RABGAP1L: variants seen among roughly 807,000 people sequenced by gnomAD.
The protein encoded by RABGAP1L is rab GTPase-activating protein 1-like.
In RABGAP1L, 63 loss-of-function variants were observed where a neutral mutation model predicts 137.7. The observed-to-expected ratio is 0.46, with a 90% CI of 0.37 to 0.56. The LOEUF (loss-of-function observed/expected upper bound fraction) is 0.56. Ranked by LOEUF, RABGAP1L falls within the 20% of genes least tolerant of loss-of-function variation. The probability of loss-of-function intolerance (pLI) is 0.00; values close to 1 mark genes in which losing one functional copy is unlikely to be tolerated. For missense variants in RABGAP1L, 1,095 were observed against 1,244.0 expected (o/e 0.88, Z 1.80); for synonymous variants, 431 against 433.7 (o/e 0.99, Z 0.08).
At chr1:174,317,583 C>T (rs1679498751) in intron 11 of RABGAP1L, among the ~76,000 whole-genome samples, 1 of 152,224 alleles carries the variant, frequency 6.6e-6, no homozygotes, top group Middle Eastern at 3.4e-3. Context: ...TCTTTTGGAG[C>T]TGTGAGCTAT....
intron 19 of RABGAP1L, chr1:174,922,040 AATTTCCATTTTAT>A (rs1468158106): frequency 6.6e-6 from 1 of 152,108 alleles, no homozygotes; most frequent in African/African-American, 2.4e-5. Context: ...TTTTAAGTAT[AATTTCCATTTTAT>A]TTTTCTCCAG....
chr1:174,477,346 G>A lies in RABGAP1L; in HGVS notation c.1710+83201G>A, dbSNP rs192006242. Among the ~76,000 whole-genome samples, 643 of 152,200 alleles carry A rather than the reference G, an allele frequency of 4.2e-3. 4 individuals are homozygous for A. The highest frequency in any genetic ancestry group is 0.011 in the South Asian group (55 of 4,830). On this transcript the variant is annotated intron_variant, in intron 13 of 25. Transcript: ENST00000681986. The stretch of plus-strand genomic sequence containing the variant: ...AGCATCTTGGAGTTGTTCTCTTCTT[G>A]GTTGTGGCTACTGTTATGATGTTCA...
At chr1:174,639,648 A>G (rs1674361230) in intron 14 of RABGAP1L, among the ~76,000 whole-genome samples, 1 of 152,082 alleles carries the variant, frequency 6.6e-6, no homozygotes, top group African/African-American at 2.4e-5. Flanking sequence ...ACTAAAACAG[A>G]TGGTTCTAAT....
chr1:174,731,838 C>G (rs1418223379), intron 17 of RABGAP1L, among the ~76,000 whole-genome samples: 1 of 152,194 alleles, frequency 6.6e-6, no homozygotes, highest in African/African-American at 2.4e-5. Context: ...TGTCTCTGTA[C>G]ACTTATTCAA....
At chr1:174,953,560 G>GAT (rs1289560590) in intron 19 of RABGAP1L, among the ~76,000 whole-genome samples, 1 of 152,180 alleles carries the variant, frequency 6.6e-6, no homozygotes, top group Non-Finnish European at 1.5e-5. Context: ...GGGTATTGAT[G>GAT]ATAAGTAGAG....
rs148581528 is a variant in RABGAP1L at position 174,196,426 on chromosome 1, G to C, written c.-33-22699G>C. On this transcript the variant is annotated intron_variant, in intron 1 of 25. Coordinates refer to ENST00000681986, the MANE Select transcript of RABGAP1L (RefSeq NM_001366446.1). ...TTTTTGGTAGAGACGGGGTTTCGCT[G>C]TGTTAGCCAGGATAGTCTCGATCTC... is the stretch of plus-strand genomic sequence containing the variant. Among the ~76,000 whole-genome samples the C allele has an allele frequency of 2.8e-4, 43 of 151,866 alleles. No homozygotes were observed. The South Asian group carries it at 8.9e-3, about 31-fold the overall frequency.
intron 17 of RABGAP1L, among the ~76,000 whole-genome samples, chr1:174,709,662 C>A (rs1680325870): frequency 6.6e-6 from 1 of 152,180 alleles, no homozygotes; most frequent in Non-Finnish European, 1.5e-5. Flanking sequence ...ATGCAAAAAT[C>A]CCATCTGAAG....
intron 18 of RABGAP1L, among the ~76,000 whole-genome samples, chr1:174,770,327 T>C (rs1686016875): frequency 6.6e-6 from 1 of 152,214 alleles, no homozygotes; most frequent in South Asian, 2.1e-4. Flanking sequence ...ATTAGGATAC[T>C]CAAGGAATTT....
chr1:174,749,091 G>A (rs564658601), intron 17 of RABGAP1L, among the ~76,000 whole-genome samples: 10 of 151,396 alleles, frequency 6.6e-5, no homozygotes, highest in South Asian at 4.2e-4. Context: ...CACAAGAATC[G>A]CCTGAACCCA....
intron 20 of RABGAP1L, among the ~76,000 whole-genome samples, chr1:174,965,472 T>C (rs891617320): frequency 8.5e-5 from 13 of 152,184 alleles, no homozygotes; most frequent in Non-Finnish European, 1.9e-4. Context: ...TCTTCTCCAT[T>C]CTAGTATACA....
At position 174,695,691 on chromosome 1, in the gene RABGAP1L, A is replaced by C. The variant is rs577949497; in HGVS notation, c.1900-3834A>C. 2.6e-5 allele frequency among the ~76,000 whole-genome samples: 4 copies of C among 152,278 alleles called. No individual in the cohort carries two copies. The East Asian group carries it at 7.7e-4, about 29-fold the overall frequency. On this transcript the variant is annotated intron_variant, in intron 15 of 25. Transcript: ENST00000681986. ...ATGTTTATTGATATCTGGGCATTGA[A>C]AAGTTAAGTATTTATTCCAGTCTTC...
At chr1:174,736,132 G>A (rs189284593) in intron 17 of RABGAP1L, among the ~76,000 whole-genome samples, 1 of 152,234 alleles carries the variant, frequency 6.6e-6, no homozygotes, top group Admixed American at 6.5e-5. Flanking sequence ...AAAGTCCCAA[G>A]TCCAAAGCCT....
At position 174,550,921 on chromosome 1, in the gene RABGAP1L, C is replaced by CATAT. The variant is rs1386199205; in HGVS notation, c.1711-86446_1711-86443dup. Reference sequence around the variant, plus strand: ...ACACACACACATATACACACACACACATATATATATACACATATATATACA... The same window carrying CATAT: ...ACACACACACATATACACACACACACATATATATATATATACACATATATATACA... On this transcript the variant is annotated intron_variant, in intron 13 of 25. Coordinates refer to ENST00000681986, the MANE Select transcript of RABGAP1L (RefSeq NM_001366446.1). Among the ~76,000 whole-genome samples, 209 of 90,906 alleles carry CATAT rather than the reference C, an allele frequency of 2.3e-3. 13 individuals are homozygous for CATAT. Among genetic ancestry groups the CATAT allele is most frequent in the African/African-American group, 0.011 (177 of 15,404 alleles). 59.6% of individuals were successfully genotyped at this position (90,906 alleles called of 152,430 possible).
chr1:174,404,705 A>G lies in RABGAP1L; in HGVS notation c.1710+10560A>G, dbSNP rs986291172. On this transcript the variant is annotated intron_variant, in intron 13 of 25. Coordinates refer to ENST00000681986, the MANE Select transcript of RABGAP1L (RefSeq NM_001366446.1). ...TTAATTTTTTAAATTAATTAACTGA[A>G]AAAATATCGATTGACTAAAGTAAAA... Among the ~76,000 whole-genome samples, 4 of 152,046 alleles carry G rather than the reference A, an allele frequency of 2.6e-5. No homozygotes were observed. In the East Asian group the frequency reaches 7.7e-4, roughly 29 times the overall value.
chr1:174,476,341 G>C (rs1241900236), intron 13 of RABGAP1L, among the ~76,000 whole-genome samples: 1 of 152,002 alleles, frequency 6.6e-6, no homozygotes, highest in Non-Finnish European at 1.5e-5. Context: ...GAATATCTAA[G>C]ATATTTCATT....
At chr1:174,434,087 A>C (rs1200671120) in intron 13 of RABGAP1L, among the ~76,000 whole-genome samples, 1 of 147,748 alleles carries the variant, frequency 6.8e-6, no homozygotes, top group Non-Finnish European at 1.5e-5. Context: ...ATGTGTGCAC[A>C]TGAGCGCATG....
In RABGAP1L at chr1:174,859,794, GTTT is replaced by G. The variant is rs553449763; in HGVS notation, c.2340+47835_2340+47837del. On this transcript the variant is annotated intron_variant, in intron 19 of 25. Coordinates refer to ENST00000681986, the MANE Select transcript of RABGAP1L (RefSeq NM_001366446.1). ...TGTACAAAAAAACCCCATGGCACAC[GTTT>G]GCCTGTGTAACAAACCTGCACATCC... Among the ~76,000 whole-genome samples the G allele has an allele frequency of 3.0e-3, 457 of 151,948 alleles. 3 individuals are homozygous for G. The highest frequency in any genetic ancestry group is 0.011 in the African/African-American group (445 of 41,444).
At chr1:174,435,389 C>A (rs1157951865) in intron 13 of RABGAP1L, among the ~76,000 whole-genome samples, 2 of 152,050 alleles carry the variant, frequency 1.3e-5, no homozygotes, top group Admixed American at 6.6e-5. Flanking sequence ...TATATATTTG[C>A]AGTTTCAATT....
At chr1:174,916,117 T>G (rs1660839476) in intron 19 of RABGAP1L, among the ~76,000 whole-genome samples, 1 of 150,886 alleles carries the variant, frequency 6.6e-6, no homozygotes, top group Non-Finnish European at 1.5e-5. Flanking sequence ...TAAGGGTCTA[T>G]GTACATTTTT....
Sources: gnomAD v4.1 joint callset for allele counts (sites outside exome capture counted in the v4.1 genomes callset) on GRCh38, gnomAD v4.1.1 for gene constraint, MANE v1.5 for transcripts, NCBI Gene and HGNC (gene_info 2026-07-23, HGNC 2026-07-21) for gene names.